The following ATP10B variants were observed in gnomAD, a reference collection of about 807,000 sequenced individuals.
The protein encoded by ATP10B is ATPase phospholipid transporting 10B (putative).
Under a neutral mutation model 141.2 loss-of-function variants are expected in ATP10B, and 122 were observed. That is an observed-to-expected ratio of 0.86 (90% CI 0.75 to 1.00). The LOEUF is 1.00. ATP10B is among the 50% of genes least tolerant of loss of function. The pLI is 0.00. For missense variants in ATP10B, 1,876 were observed against 1,825.3 expected (o/e 1.03, Z -0.51); for synonymous variants, 685 against 692.0 (o/e 0.99, Z 0.16).
chr5:160,656,711 T>C (rs1320727782), intron 7 of ATP10B, among the ~76,000 whole-genome samples: 1 of 152,196 alleles, frequency 6.6e-6, no homozygotes, highest in Non-Finnish European at 1.5e-5. Context: ...TCTTTTTTTT[T>C]TAAATGGAAC....
chr5:160,670,938 G>A (rs1451685661), intron 6 of ATP10B, among the ~76,000 whole-genome samples: 1 of 151,896 alleles, frequency 6.6e-6, no homozygotes, highest in African/African-American at 2.4e-5. Flanking sequence ...AGGCCGAGGT[G>A]GGTGGATCAT....
At chr5:160,872,607 C>G in the ATP10B span, among the ~76,000 whole-genome samples, 1 of 152,184 alleles carries the variant, frequency 6.6e-6, no homozygotes. Context: ...AGCCAATTAT[C>G]CTAGCACCAT....
rs367974827 is a variant in ATP10B at position 160,620,587 on chromosome 5, C to T, written c.2176G>A (p.Ala726Thr). Residue 726 changes from alanine to threonine, a missense_variant, in exon 15 of 26, where the codon GCC becomes ACC. Coordinates refer to ENST00000327245, the MANE Select transcript of ATP10B (RefSeq NM_025153.3). Reference protein sequence around the residue: ...CYEAESPDEAALVHAAHAYSF... With the variant: ...CYEAESPDEATLVHAAHAYSF... ...TAGGCATGGGCAGCGTGCACCAGGG[C>T]GGCCTCATCAGGGCTCTCAGCCTCG... 138 of 1,613,728 alleles carry T rather than the reference C, an allele frequency of 8.6e-5. No homozygotes were observed. The highest frequency in any genetic ancestry group is 4.9e-4 in the South Asian group (45 of 91,052).
chr5:160,654,100 G>A lies in ATP10B; in HGVS notation c.676-4844C>T, dbSNP rs199851836. On this transcript the variant is annotated intron_variant, in intron 7 of 25. Coordinates refer to ENST00000327245, the MANE Select transcript of ATP10B (RefSeq NM_025153.3). ...ACATATAAATATATGTTGTATATAC[G>A]TATATACATATATAAATACGTGTGT... 3.0e-4 allele frequency among the ~76,000 whole-genome samples: 43 copies of A among 143,574 alleles called. 1 individual carries two copies. The highest frequency in any genetic ancestry group is 1.1e-3 in the African/African-American group (41 of 37,926). 94.2% of individuals were successfully genotyped at this position (143,574 alleles called of 152,430 possible).
intron 22 of ATP10B, among the ~76,000 whole-genome samples, chr5:160,593,902 G>C (rs375161856): frequency 6.6e-6 from 1 of 152,194 alleles, no homozygotes; most frequent in Admixed American, 6.5e-5. Context: ...CCAAATCTAC[G>C]TCTGATTGGT....
Position 160,743,126 on chromosome 5 carries a change from G to T in ATP10B, c.-330-26092C>A, listed in dbSNP as rs112401911. Among the ~76,000 whole-genome samples the T allele has an allele frequency of 2.2e-3, 338 of 152,182 alleles. No individual in the cohort carries two copies. In the Middle Eastern group the frequency reaches 0.024, roughly 11 times the overall value. ...ACAACCCTATGGGACTGGCATTATC[G>T]CTGCCCCATTTTGTAAGTAATAAAA... On this transcript the variant is annotated intron_variant, in intron 2 of 25. Coordinates refer to ENST00000327245, the MANE Select transcript of ATP10B (RefSeq NM_025153.3).
Position 160,660,213 on chromosome 5 carries a change from G to T in ATP10B, c.675+10250C>A, listed in dbSNP as rs569943097. 5.9e-5 allele frequency among the ~76,000 whole-genome samples: 9 copies of T among 152,256 alleles called. No individual in the cohort carries two copies. The South Asian group carries it at 1.9e-3, about 32-fold the overall frequency. ...TGTCCTAGTTCTGTTCATTTAAATG[G>T]CATAGAAATAATAATCAACCCAATA... On this transcript the variant is annotated intron_variant, in intron 7 of 25. Coordinates refer to ENST00000327245, the MANE Select transcript of ATP10B (RefSeq NM_025153.3).
chr5:160,683,570 C>T (rs1283910741), intron 6 of ATP10B, among the ~76,000 whole-genome samples: 1 of 152,182 alleles, frequency 6.6e-6, no homozygotes, highest in Admixed American at 6.5e-5. Flanking sequence ...GGCTGGAGTA[C>T]ATACCTCGAA....
At chr5:160,738,031 G>C (rs1448091753) in intron 2 of ATP10B, among the ~76,000 whole-genome samples, 2 of 152,008 alleles carry the variant, frequency 1.3e-5, no homozygotes, top group East Asian at 3.9e-4. Context: ...ATGCTTATCA[G>C]GATATGTTAG....
chr5:160,707,311 G>A (rs1765075911), intron 3 of ATP10B, among the ~76,000 whole-genome samples: 1 of 152,130 alleles, frequency 6.6e-6, no homozygotes, highest in Non-Finnish European at 1.5e-5. Context: ...CACTTCTTCT[G>A]ACTCTTCCAC....
At chr5:160,767,636 C>CA (rs1769561806) in intron 2 of ATP10B, among the ~76,000 whole-genome samples, 1 of 60,752 alleles carries the variant, frequency 1.6e-5, no homozygotes, top group African/African-American at 6.5e-5. Context: ...GTGTGCAGAA[C>CA]CCCCCCCCCC....
At chr5:160,689,355 T>C (rs980150949) in intron 3 of ATP10B, among the ~76,000 whole-genome samples, 1 of 152,160 alleles carries the variant, frequency 6.6e-6, no homozygotes, top group African/African-American at 2.4e-5. Context: ...CTGTTCAACA[T>C]AGTGTTGGAA....
At chr5:160,821,059 G>A (rs1774064041) in intron 1 of ATP10B, among the ~76,000 whole-genome samples, 1 of 152,078 alleles carries the variant, frequency 6.6e-6, no homozygotes, top group African/African-American at 2.4e-5. Context: ...AATTGGAAAG[G>A]AAGAAGTCAA....
At chr5:160,766,127 CT>C (rs1339429242) in intron 2 of ATP10B, among the ~76,000 whole-genome samples, 1 of 148,500 alleles carries the variant, frequency 6.7e-6, no homozygotes, top group Non-Finnish European at 1.5e-5. Context: ...AGTATAACCG[CT>C]GTGGAAAACA....
chr5:160,774,965 T>C (rs967720027), intron 2 of ATP10B, among the ~76,000 whole-genome samples: 2 of 152,208 alleles, frequency 1.3e-5, no homozygotes, highest in African/African-American at 4.8e-5. Flanking sequence ...ATCATGCTGC[T>C]AGTATTTTAC....
At chr5:160,877,825 C>T in the ATP10B span, among the ~76,000 whole-genome samples, 354 of 127,084 alleles carry the variant, frequency 2.8e-3, 15 homozygotes, top group African/African-American at 7.2e-3. Flanking sequence ...ATCCAACTTA[C>T]AAGGGACATG....
intron 1 of ATP10B, among the ~76,000 whole-genome samples, chr5:160,840,948 T>G (rs796759680): frequency 6.6e-6 from 1 of 152,164 alleles, no homozygotes; most frequent in East Asian, 1.9e-4. Flanking sequence ...GATGATATAT[T>G]TCGTTCATAG....
intron 2 of ATP10B, among the ~76,000 whole-genome samples, chr5:160,773,805 T>G (rs911358439): frequency 6.6e-6 from 1 of 151,958 alleles, no homozygotes; most frequent in Non-Finnish European, 1.5e-5. Flanking sequence ...GATATTCCTA[T>G]GCCTGGCAGA....
In ATP10B at chr5:160,570,273, A is replaced by T. The variant is rs146479929; in HGVS notation, c.3751-590T>A. 1.6e-3 allele frequency among the ~76,000 whole-genome samples: 242 copies of T among 152,280 alleles called. 5 individuals are homozygous for T. Among genetic ancestry groups the T allele is most frequent in the Admixed American group, 0.015 (229 of 15,290 alleles). On this transcript the variant is annotated intron_variant, in intron 24 of 25. Coordinates refer to ENST00000327245, the MANE Select transcript of ATP10B (RefSeq NM_025153.3). Reference sequence around the variant, plus strand: ...TATAATTAGGGTAATCATGACATCCATGACTTTAAATATTTTCTTTATTCT... The same window carrying T: ...TATAATTAGGGTAATCATGACATCCTTGACTTTAAATATTTTCTTTATTCT...
Sources: gnomAD v4.1 joint callset for allele counts (sites outside exome capture counted in the v4.1 genomes callset) on GRCh38, gnomAD v4.1.1 for gene constraint, MANE v1.5 for transcripts, NCBI Gene and HGNC (gene_info 2026-07-23, HGNC 2026-07-21) for gene names.